The following ERBB4 variants were observed in gnomAD, a reference collection of about 807,000 sequenced individuals.
The protein encoded by ERBB4 is receptor tyrosine-protein kinase erbB-4.
Under a neutral mutation model 158.0 loss-of-function variants are expected in ERBB4, and 42 were observed. The observed-to-expected ratio is 0.27, with a 90% CI of 0.21 to 0.34. ERBB4 has a LOEUF of 0.34. Ranked by LOEUF, ERBB4 falls within the 10% of genes least tolerant of loss-of-function variation. ERBB4 has a pLI of 1.00. For missense variants in ERBB4, 1,333 were observed against 1,624.1 expected, an observed-to-expected ratio of 0.82 and a Z score of 3.08; for synonymous variants, 583 against 558.7, an observed-to-expected ratio of 1.04 and a Z score of -0.61.
chr2:212,374,205 A>G (rs2090240865), intron 1 of ERBB4, among the ~76,000 whole-genome samples: 1 of 150,852 alleles, frequency 6.6e-6, no homozygotes, highest in Non-Finnish European at 1.5e-5. Context: ...TTCAGTGGCT[A>G]ATTTTTAAAA....
At chr2:212,197,622 G>A (rs936184852) in intron 1 of ERBB4, among the ~76,000 whole-genome samples, 6 of 152,104 alleles carry the variant, frequency 3.9e-5, no homozygotes, top group African/African-American at 1.4e-4. Flanking sequence ...GCCCATAATA[G>A]GTTTGATAGT....
chr2:211,703,816 T>C (rs1270721203), intron 11 of ERBB4, among the ~76,000 whole-genome samples: 3 of 152,176 alleles, frequency 2.0e-5, no homozygotes, highest in Non-Finnish European at 4.4e-5. Context: ...TGTGATAACA[T>C]CTGATAAAAA....
intron 4 of ERBB4, among the ~76,000 whole-genome samples, chr2:211,763,435 A>G (rs1179217686): frequency 6.6e-6 from 1 of 152,208 alleles, no homozygotes; most frequent in African/African-American, 2.4e-5. Flanking sequence ...TTTCTTTTCC[A>G]TAGTTCCTAA....
Position 212,364,029 on chromosome 2 carries a change from C to A in ERBB4, c.82+174420G>T, listed in dbSNP as rs112580348. On this transcript the variant is annotated intron_variant, in intron 1 of 27. Coordinates refer to ENST00000342788, the MANE Select transcript of ERBB4 (RefSeq NM_005235.3). ...TGTGGAATGACACAATTCTACACAT[C>A]TCTGGTAAACTGGTTAGTTAACTGA... Among the ~76,000 whole-genome samples, 1,076 of 151,836 alleles carry A rather than the reference C, an allele frequency of 7.1e-3. 5 individuals are homozygous for A. The highest frequency in any genetic ancestry group is 0.024 in the Middle Eastern group (7 of 294).
At chr2:211,400,072 G>C (rs903808324) in intron 25 of ERBB4, among the ~76,000 whole-genome samples, 2 of 152,110 alleles carry the variant, frequency 1.3e-5, no homozygotes, top group Non-Finnish European at 2.9e-5. Flanking sequence ...AAATTACAGA[G>C]TATGAGTCTC....
chr2:211,409,260 T>C (rs2063207761), intron 25 of ERBB4, among the ~76,000 whole-genome samples: 1 of 152,078 alleles, frequency 6.6e-6, no homozygotes, highest in Non-Finnish European at 1.5e-5. Flanking sequence ...TCAGCAAAAA[T>C]ACTTTGCCTC....
At chr2:211,772,977 T>C (rs2075755713) in intron 4 of ERBB4, among the ~76,000 whole-genome samples, 1 of 131,102 alleles carries the variant, frequency 7.6e-6, no homozygotes, top group African/African-American at 2.9e-5. Context: ...AAAGATGGGG[T>C]CCTACTCTGT....
intron 1 of ERBB4, among the ~76,000 whole-genome samples, chr2:212,306,727 C>T (rs2086824490): frequency 6.8e-6 from 1 of 146,188 alleles, no homozygotes; most frequent in South Asian, 2.2e-4. Context: ...TTTTTTTTTA[C>T]TAGTGTTCTA....
chr2:211,606,204 C>T (rs767488822), intron 19 of ERBB4, among the ~76,000 whole-genome samples: 6 of 151,990 alleles, frequency 3.9e-5, no homozygotes, highest in Non-Finnish European at 5.9e-5. Context: ...AAGTCTTTTG[C>T]TTCATTTTCA....
chr2:211,443,672 G>A (rs2064040400), intron 20 of ERBB4, among the ~76,000 whole-genome samples: 1 of 151,934 alleles, frequency 6.6e-6, no homozygotes, highest in South Asian at 2.1e-4. Flanking sequence ...GTGATTTCTG[G>A]GACAAGACTT....
chr2:212,205,234 C>T (rs1000048660), intron 1 of ERBB4, among the ~76,000 whole-genome samples: 10 of 152,100 alleles, frequency 6.6e-5, no homozygotes, highest in African/African-American at 2.4e-4. Context: ...GATCTCTGCT[C>T]ACTGAAGTCT....
intron 16 of ERBB4, among the ~76,000 whole-genome samples, chr2:211,645,518 A>G (rs1014461098): frequency 1.4e-4 from 22 of 151,734 alleles, no homozygotes; most frequent in African/African-American, 5.1e-4. Flanking sequence ...ACTTGAAACC[A>G]ATTAATAAAT....
chr2:212,125,544 A>T (rs1253554034), intron 1 of ERBB4, among the ~76,000 whole-genome samples: 1 of 152,102 alleles, frequency 6.6e-6, no homozygotes, highest in East Asian at 1.9e-4. Flanking sequence ...CCCATTAGTT[A>T]TTTTTCCTGA....
intron 1 of ERBB4, among the ~76,000 whole-genome samples, chr2:212,299,693 G>T (rs1205943945): frequency 6.6e-6 from 1 of 151,580 alleles, no homozygotes; most frequent in African/African-American, 2.4e-5. Context: ...TTAGGCATCA[G>T]AATAAGCAGC....
At chr2:211,860,839 A>G (rs2077991264) in intron 3 of ERBB4, among the ~76,000 whole-genome samples, 1 of 147,642 alleles carries the variant, frequency 6.8e-6, no homozygotes, top group Non-Finnish European at 1.5e-5. Flanking sequence ...CCATTAGAGA[A>G]TAATTTGGCA....
At chr2:212,058,306 C>A (rs1264010362) in intron 2 of ERBB4, among the ~76,000 whole-genome samples, 3 of 152,090 alleles carry the variant, frequency 2.0e-5, no homozygotes, top group African/African-American at 7.2e-5. Context: ...TAATAGCCTG[C>A]CACCCAAAAA....
intron 3 of ERBB4, among the ~76,000 whole-genome samples, chr2:211,932,880 T>C (rs1229978246): frequency 1.3e-5 from 2 of 152,028 alleles, no homozygotes; most frequent in Admixed American, 6.6e-5. Context: ...ATAAACACTA[T>C]TGTTTTAAAT....
intron 1 of ERBB4, among the ~76,000 whole-genome samples, chr2:212,470,078 T>A (rs1291216928): frequency 2.6e-5 from 4 of 152,028 alleles, no homozygotes; most frequent in Non-Finnish European, 5.9e-5. Flanking sequence ...CACAATATAT[T>A]TTTTTTAAAT....
At chr2:211,861,850 G>A (rs116239505) in intron 3 of ERBB4, among the ~76,000 whole-genome samples, 5,762 of 151,968 alleles carry the variant, frequency 0.038, 180 homozygotes, top group Non-Finnish European at 0.058. Context: ...AGAGGATTTG[G>A]AATGCTGACC....
Sources: gnomAD v4.1 joint callset for allele counts (sites outside exome capture counted in the v4.1 genomes callset) on GRCh38, gnomAD v4.1.1 for gene constraint, MANE v1.5 for transcripts, NCBI Gene and HGNC (gene_info 2026-07-23, HGNC 2026-07-21) for gene names.